Variants in NEK5 observed in about 807,000 individuals in gnomAD.
NEK5 encodes the protein NIMA related kinase 5.
A neutral mutation model predicts 109.2 loss-of-function variants in NEK5; 88 were observed. That is an observed-to-expected ratio of 0.81 (90% CI 0.68 to 0.96). NEK5 has a LOEUF of 0.96. NEK5 is among the 40% of genes least tolerant of loss of function. The probability of loss-of-function intolerance (pLI) is 0.00; values close to 1 mark genes in which losing one functional copy is unlikely to be tolerated. For synonymous variants in NEK5, 283 were observed against 299.9 expected (o/e 0.94, Z 0.58); for missense variants, 834 against 920.7 (o/e 0.91, Z 1.22).
At chr13:52,048,966 G>A (rs1424171451) in intron 23 of NEK5, among the ~76,000 whole-genome samples, 1 of 152,168 alleles carries the variant, frequency 6.6e-6, no homozygotes, top group Non-Finnish European at 1.5e-5. Flanking sequence ...GAAAATTGCT[G>A]AGAGTAGATT....
intron 11 of NEK5, among the ~76,000 whole-genome samples, chr13:52,100,666 G>T (rs917387034): frequency 1.3e-5 from 2 of 152,020 alleles, no homozygotes; most frequent in Non-Finnish European, 2.9e-5. Context: ...TTGAGCTCAG[G>T]AGTTCGAGAC....
At chr13:52,098,286 A>C (rs1175732639) in intron 12 of NEK5, among the ~76,000 whole-genome samples, 2 of 151,564 alleles carry the variant, frequency 1.3e-5, no homozygotes, top group African/African-American at 4.8e-5. Context: ...ATAAATAAAT[A>C]AATAAATAAA....
At chr13:52,072,171 T>C in intron 19 of NEK5, 101 bp from the exon 20 acceptor site, 6 of 802,472 alleles carry the variant, frequency 7.5e-6, no homozygotes, top group Admixed American at 5.8e-5. Context: ...GCAAGGTATA[T>C]AGTAAATATT....
intron 23 of NEK5, among the ~76,000 whole-genome samples, chr13:52,044,552 C>T (rs536419970): frequency 1.2e-4 from 19 of 152,262 alleles, no homozygotes; most frequent in South Asian, 6.2e-4. Context: ...TACTACTGAG[C>T]AATATAAAGT....
intron 13 of NEK5, among the ~76,000 whole-genome samples, chr13:52,091,060 G>T (rs1955272889): frequency 6.6e-6 from 1 of 152,038 alleles, no homozygotes; most frequent in South Asian, 2.1e-4. Flanking sequence ...CCATCCCATG[G>T]CCTGTAATTG....
chr13:52,093,114 T>C lies in NEK5; in HGVS notation c.1148A>G (p.Glu383Gly), dbSNP rs778262692. ...ACCGTAATCCTCAACTCCAGTATTT[T>C]CTTGAGGAATAGGGTGATAACTTGG... is the stretch of plus-strand genomic sequence containing the variant. ...HKPSYHPIPQ[E>G]NTGVEDYGQE... The change falls in exon 13 of 24, where the codon GAA (glutamate) becomes GGA (glycine). Residue 383 changes from glutamate to glycine, a missense_variant. By Grantham distance (98) the Glu-to-Gly change is moderately conservative (BLOSUM62 -2). Around this residue, in one of 2 missense-constraint regions of NEK5, gnomAD observed 777 missense variants for 824.7 expected, o/e 0.94. Transcript: ENST00000684899. 1.9e-6 allele frequency: 3 copies of C among 1,613,538 alleles called. No homozygotes were observed. Among genetic ancestry groups the C allele is most frequent in the Non-Finnish European group, 2.5e-6 (3 of 1,179,612 alleles).
At chr13:52,069,801 C>T (rs1474584975) in intron 20 of NEK5, among the ~76,000 whole-genome samples, 3 of 152,200 alleles carry the variant, frequency 2.0e-5, no homozygotes. Flanking sequence ...CCATCCTTTG[C>T]TCTGCAGCCA....
chr13:52,051,016 C>T (rs1954500830), intron 22 of NEK5, among the ~76,000 whole-genome samples: 1 of 151,064 alleles, frequency 6.6e-6, no homozygotes, highest in Non-Finnish European at 1.5e-5. Context: ...CCGTGCCCGG[C>T]CCTAGTGTTC....
rs1350129413 is a variant in NEK5 at position 52,065,588 on chromosome 13, G to C, written c.1871C>G (p.Ala624Gly). ...PEAGFSTQTV[A>G]AVGNRRQWDG... ...CCACTGCCTCCTGTTTCCCACAGCA[G>C]CTACAGTCTGCGTGGAAAACCCTGG... The change falls in exon 21 of 24, where the codon GCT (alanine) becomes GGT (glycine). Residue 624 changes from alanine to glycine, a missense_variant. This residue lies in a region of NEK5 where 777 missense variants were observed against 824.7 expected (regional missense o/e 0.94). Transcript: ENST00000684899. 3.7e-6 allele frequency: 6 copies of C among 1,613,412 alleles called. No homozygotes were observed. The highest frequency in any genetic ancestry group is 1.7e-4 in the Middle Eastern group (1 of 6,046).
intron 12 of NEK5, among the ~76,000 whole-genome samples, chr13:52,093,707 T>C (rs1249620796): frequency 2.6e-5 from 4 of 152,078 alleles, no homozygotes; most frequent in African/African-American, 4.8e-5. Flanking sequence ...AATCCTAGAG[T>C]ACAAAAAGAC....
chr13:52,084,901 G>A (rs1190239583), intron 16 of NEK5, among the ~76,000 whole-genome samples: 1 of 151,610 alleles, frequency 6.6e-6, no homozygotes, highest in Non-Finnish European at 1.5e-5. Context: ...CTTTCAAATT[G>A]CTGGGATTAC....
intron 21 of NEK5, among the ~76,000 whole-genome samples, chr13:52,063,061 C>T (rs936672153): frequency 2.9e-4 from 43 of 150,448 alleles, no homozygotes; most frequent in Admixed American, 1.8e-3. Flanking sequence ...CCTCTCCCCA[C>T]GGTCCCCCTC....
In NEK5 at chr13:52,108,300, TA is replaced by T; in HGVS notation, c.554+17del. ...TCAGATTTTACTGACACTTTCAAAC[TA>T]AGAGTCAGCAACTTACGTTTTATTG... On this transcript the variant is annotated intron_variant, in intron 8 of 23. Coordinates refer to ENST00000684899, the MANE Select transcript of NEK5 (RefSeq NM_001365552.1). 6.7e-7 allele frequency: 1 copy of T among 1,497,010 alleles called. No homozygotes were observed. Among genetic ancestry groups the T allele is most frequent in the East Asian group, 2.3e-5 (1 of 44,130 alleles). The allele number at this position is 1,497,010 out of a possible 1,614,324, so 92.7% of individuals were successfully genotyped here.
At chr13:52,105,411 G>T (rs1955632493) in intron 8 of NEK5, among the ~76,000 whole-genome samples, 1 of 151,794 alleles carries the variant, frequency 6.6e-6, no homozygotes, top group South Asian at 2.1e-4. Context: ...CATTAACAAG[G>T]TTTCACCATG....
intron 11 of NEK5, among the ~76,000 whole-genome samples, chr13:52,100,848 T>C (rs1276582467): frequency 2.6e-5 from 4 of 152,216 alleles, no homozygotes; most frequent in African/African-American, 9.6e-5. Context: ...TCAAATTAAA[T>C]GGCAAAGAGG....
chr13:52,110,662 T>TTA (rs1038690032), intron 5 of NEK5, 85 bp from the exon 6 acceptor site: 18 of 703,920 alleles, frequency 2.6e-5, no homozygotes, highest in South Asian at 9.7e-5. Context: ...AAGATAGAAA[T>TTA]TATACACACA....
rs902156127 is a variant in NEK5, at chr13:52,105,030, T to C, written c.555-478A>G. Among the ~76,000 whole-genome samples, 8 of 152,214 alleles carry C rather than the reference T, an allele frequency of 5.3e-5. No individual in the cohort carries two copies. The East Asian group carries it at 1.3e-3, about 26-fold the overall frequency. ...CATTTAAAAATATACTTAAAATATA[T>C]ATCATGAGCTTTGCTCCTTACAGAT... On this transcript the variant is annotated intron_variant, in intron 8 of 23. Coordinates refer to ENST00000684899, the MANE Select transcript of NEK5 (RefSeq NM_001365552.1).
chr13:52,111,399 AAG>A (rs1262010560), intron 5 of NEK5, among the ~76,000 whole-genome samples: 3 of 152,314 alleles, frequency 2.0e-5, no homozygotes, highest in African/African-American at 4.8e-5. Context: ...GATAAGAAAA[AAG>A]AGTTTCTATC....
chr13:52,087,391 C>T lies in NEK5; in HGVS notation c.1339G>A (p.Glu447Lys). ...GGCAGCTCCTGGAATCTAGGCTCTT[C>T]TCCATTACTTCTTAGCTCTTGTCTC... ...NQRQELRSNGEEPRFQELPFR... is the reference protein window; with the variant it reads ...NQRQELRSNGKEPRFQELPFR... The change falls in exon 15 of 24, where the codon GAA becomes AAA. Residue 447 changes from glutamate to lysine, a missense_variant. Physicochemically the swap from Glu to Lys is moderately conservative, Grantham distance 56. Coordinates refer to ENST00000684899, the MANE Select transcript of NEK5 (RefSeq NM_001365552.1). 1.2e-6 allele frequency: 2 copies of T among 1,612,506 alleles called. No individual in the cohort carries two copies. Among genetic ancestry groups the T allele is most frequent in the Non-Finnish European group, 1.7e-6 (2 of 1,178,734 alleles).
Sources: gnomAD v4.1 joint callset for allele counts (sites outside exome capture counted in the v4.1 genomes callset) on GRCh38, gnomAD v4.1.1 for gene constraint, gnomAD v4.1.1 regional missense constraint, MANE v1.5 for transcripts, NCBI Gene and HGNC (gene_info 2026-07-23, HGNC 2026-07-21) for gene names.